The following SLC38A5 variants were observed in gnomAD, a reference collection of about 807,000 sequenced individuals.
SLC38A5 encodes the protein solute carrier family 38 member 5, also known as sodium-coupled neutral amino acid transporter 5.
In SLC38A5, 9 loss-of-function variants were observed where a neutral mutation model predicts 34.6. That is an observed-to-expected ratio of 0.26 (90% confidence interval 0.16 to 0.45). The LOEUF is 0.45. SLC38A5 is among the 20% of genes least tolerant of loss of function. The pLI is 1.00. For synonymous variants in SLC38A5, 157 were observed against 155.6 expected (o/e 1.01, Z -0.07); for missense variants, 253 against 394.7 (o/e 0.64, Z 3.04).
At chrX:48,459,111 TC>T in intron 16 of SLC38A5, 77 bp from the exon 17 acceptor site, 1 of 1,014,799 alleles carries the variant, frequency 9.9e-7, no homozygotes, top group Non-Finnish European at 1.3e-6. Flanking sequence ...CCTCAAGTCT[TC>T]CACCTCCTTC....
chrX:48,458,618 CAG>C lies in SLC38A5; in HGVS notation c.*313_*314del. ...ACAAACAGCTTCAGCCAGGAGGAGG[CAG>C]AGAGGACTGGGCTGGGCAAAGGCTC... On this transcript the variant is annotated 3_prime_UTR_variant, in exon 17 of 17. Transcript: ENST00000620913. 1 of 901,435 alleles carries C rather than the reference CAG, an allele frequency of 1.1e-6. No homozygotes were observed. The highest frequency in any genetic ancestry group is 1.4e-6 in the Non-Finnish European group (1 of 731,848). 74.3% of individuals were successfully genotyped at this position (901,435 alleles called of 1,213,427 possible).
In SLC38A5 at chrX:48,461,730, G is replaced by A. The variant is rs782016275; in HGVS notation, c.839C>T (p.Thr280Met). The change falls in exon 12 of 17, where the codon ACG (threonine) becomes ATG (methionine). Residue 280 changes from threonine (T) to methionine (M), a missense_variant. Physicochemically the swap from Thr to Met is moderately conservative, Grantham distance 81 (BLOSUM62 -1). Transcript: ENST00000620913. ...CCTGCCCACTCACCGGCAGAGCTCC[G>A]TATAGATGGGCAGCACCTCAGGGTG... ...VCHPEVLPIY[T>M]ELCRPSKRRM... 2.0e-5 allele frequency: 24 copies of A among 1,207,023 alleles called. No individual in the cohort carries two copies. Among genetic ancestry groups the A allele is most frequent in the African/African-American group, 8.7e-5 (5 of 57,295 alleles).
chrX:48,462,846 GCTT>G, intron 9 of SLC38A5, 49 bp downstream of exon 9: 1 of 1,000,485 alleles, frequency 1.0e-6, no homozygotes, highest in Non-Finnish European at 1.4e-6. Context: ...TCTCAGTCTG[GCTT>G]CTTCTGTCTA....
At chrX:48,468,885 C>G in intron 2 of SLC38A5, 1 of 753,316 alleles carries the variant, frequency 1.3e-6, no homozygotes. Context: ...CGTGGCCTAC[C>G]GAGTTTCCTG....
intron 8 of SLC38A5, among the ~76,000 whole-genome samples, chrX:48,464,181 C>A (rs1556962707): frequency 8.9e-6 from 1 of 112,509 alleles, no homozygotes; most frequent in Admixed American, 9.4e-5. Flanking sequence ...TCCAGCTGGC[C>A]ACACTGTTGG....
chrX:48,461,443 T>C (rs1192683830), intron 12 of SLC38A5, among the ~76,000 whole-genome samples: 1 of 111,640 alleles, frequency 9.0e-6, no homozygotes, highest in Non-Finnish European at 1.9e-5. Context: ...GCCATGCATA[T>C]CACCCCCTCC....
chrX:48,463,672 G>A (rs1273049112), intron 8 of SLC38A5, among the ~76,000 whole-genome samples: 2 of 103,795 alleles, frequency 1.9e-5, no homozygotes, highest in Admixed American at 1.1e-4. Flanking sequence ...AGCTACTCGC[G>A]AGGCTGAGGC....
Position 48,458,796 on chromosome X carries a change from C to T in SLC38A5, c.*137G>A. 9.2e-7 allele frequency: 1 copy of T among 1,084,989 alleles called. No homozygotes were observed. The highest frequency in any genetic ancestry group is 2.5e-5 in the South Asian group (1 of 40,583). 89.4% of individuals were successfully genotyped at this position (1,084,989 alleles called of 1,213,427 possible). ...AGGAGGGAAGTGGGCCAGTCTGCAG[C>T]CTCTGCTGTCCCCCGCCTCTGACAA... On this transcript the variant is annotated 3_prime_UTR_variant, in exon 17 of 17. Transcript: ENST00000620913.
At position 48,465,027 on chromosome X, in the gene SLC38A5, A is replaced by C. The variant is rs1020493183; in HGVS notation, c.491+988T>G. On this transcript the variant is annotated intron_variant, in intron 8 of 16. Transcript: ENST00000620913. ...GCAAAGCCCATGGGACCAGAGGCAG[A>C]GTTAGCCCATGGGACCAGAGGCAGA... is the stretch of plus-strand genomic sequence containing the variant. 1.5e-4 allele frequency among the ~76,000 whole-genome samples: 17 copies of C among 110,995 alleles called. 1 individual carries two copies. Among genetic ancestry groups the C allele is most frequent in the Middle Eastern group, 4.6e-3 (1 of 217 alleles).
intron 7 of SLC38A5, 32 bp downstream of exon 7, chrX:48,466,198 C>A (rs782622754): frequency 2.2e-5 from 26 of 1,168,498 alleles, no homozygotes; most frequent in Admixed American, 2.0e-4. Context: ...CCCTCTCCCC[C>A]CAAGCTGACC....
Position 48,458,684 on chromosome X carries a change from C to G in SLC38A5, c.*249G>C. 1 of 993,795 alleles carries G rather than the reference C, an allele frequency of 1.0e-6. No homozygotes were observed. Among genetic ancestry groups the G allele is most frequent in the Non-Finnish European group, 1.3e-6 (1 of 787,901 alleles). The allele number at this position is 993,795 out of a possible 1,213,427, so 81.9% of individuals were successfully genotyped here. Reference sequence around the variant, plus strand: ...CCTCCTCCTCCTCCTCCTCCTCCTCCTCCTCCTCCTCTTCTTCCTCCTCCT... The same window carrying G: ...CCTCCTCCTCCTCCTCCTCCTCCTCGTCCTCCTCCTCTTCTTCCTCCTCCT... On this transcript the variant is annotated 3_prime_UTR_variant, in exon 17 of 17. Transcript: ENST00000620913.
At position 48,467,015 on chromosome X, in the gene SLC38A5, G is replaced by A. The variant is rs782267859; in HGVS notation, c.192C>T (p.Ser64=). The change falls in exon 5 of 17, where the codon AGC becomes AGT. Residue 64 remains serine (S), a synonymous_variant. Coordinates refer to ENST00000620913, the MANE Select transcript of SLC38A5 (RefSeq NM_033518.4). The part of the protein sequence containing the change: ...VFNLSNAIMG[S]GILGLAYAMA... ...TGGCATAGGCCAGCCCCAGGATGCC[G>A]CTGCCCATGATGGCGTTGCTGAGGT... 8.3e-6 allele frequency: 10 copies of A among 1,211,967 alleles called. No individual in the cohort carries two copies. The highest frequency in any genetic ancestry group is 1.1e-5 in the Non-Finnish European group (10 of 895,476).
intron 16 of SLC38A5, 66 bp from the exon 17 acceptor site, chrX:48,459,100 T>A: frequency 9.4e-7 from 1 of 1,061,280 alleles, no homozygotes; most frequent in Non-Finnish European, 1.3e-6. Context: ...CTGAGAATGT[T>A]CCTCAAGTCT....
At chrX:48,459,383 C>T in intron 16 of SLC38A5, 153 bp downstream of exon 16, 1 of 558,412 alleles carries the variant, frequency 1.8e-6, no homozygotes, top group Non-Finnish European at 2.7e-6. Flanking sequence ...TCTGCCCCTT[C>T]CTAGACAATC....
chrX:48,459,116 C>T, intron 16 of SLC38A5, 82 bp from the exon 17 acceptor site: 1 of 1,003,429 alleles, frequency 1.0e-6, no homozygotes, highest in Non-Finnish European at 1.4e-6. Flanking sequence ...AGTCTTCCAC[C>T]TCCTTCAGAG....
chrX:48,461,204 C>A, intron 12 of SLC38A5, 118 bp from the exon 13 acceptor site: 1 of 566,406 alleles, frequency 1.8e-6, no homozygotes, highest in Non-Finnish European at 2.9e-6. Flanking sequence ...TCAGCTGGCA[C>A]ACATGGGGAC....
rs1294001667 is a variant in SLC38A5, at chrX:48,462,085, C to G, written c.693G>C (p.Glu231Asp). 1 of 1,178,211 alleles carries G rather than the reference C, an allele frequency of 8.5e-7. No homozygotes were observed. The highest frequency in any genetic ancestry group is 1.8e-5 in the African/African-American group (1 of 56,445). Residue 231 changes from glutamate (E) to aspartate (D), a missense_variant, in exon 11 of 17, where the codon GAG (glutamate) becomes GAC (aspartate). Transcript: ENST00000620913. ...TGGGGAGTCCCACGAGAGCTTCACTCTCCATTGCTGTTTCATTGTGGCCTA... is the reference window on the plus strand; with the variant it reads ...TGGGGAGTCCCACGAGAGCTTCACTGTCCATTGCTGTTTCATTGTGGCCTA... ...CAIGHNETAM[E>D]SEALVGLPSQ...
rs2061422282 is a variant in SLC38A5 at position 48,459,784 on chromosome X, G to A, written c.1161C>T (p.Val387=). ...VAIALILLVL[V]NVLVICVPTI... ...TTGGCACACAGATGACAAGGACATT[G>A]ACCAAAACAAGCAGGATCAGAGCTA... Residue 387 remains valine (V), a synonymous_variant, in exon 15 of 17, where the codon GTC becomes GTT. Coordinates refer to ENST00000620913, the MANE Select transcript of SLC38A5 (RefSeq NM_033518.4). The A allele has an allele frequency of 8.3e-7, 1 of 1,209,839 alleles. No individual in the cohort carries two copies. The highest frequency in any genetic ancestry group is 1.7e-5 in the African/African-American group (1 of 57,212).
At chrX:48,460,190 C>T (rs1322048328) in intron 14 of SLC38A5, among the ~76,000 whole-genome samples, 1 of 110,965 alleles carries the variant, frequency 9.0e-6, no homozygotes, top group Non-Finnish European at 1.9e-5. Context: ...GACCATCCAC[C>T]GATCCTTCCA....
Sources: gnomAD v4.1 joint callset for allele counts (sites outside exome capture counted in the v4.1 genomes callset) on GRCh38, gnomAD v4.1.1 for gene constraint, MANE v1.5 for transcripts, NCBI Gene and HGNC (gene_info 2026-07-23, HGNC 2026-07-21) for gene names.